CFAP299: variants seen among roughly 807,000 people sequenced by gnomAD.
The protein encoded by CFAP299 is cilia- and flagella-associated protein 299.
In CFAP299, 21 loss-of-function variants were observed where a neutral mutation model predicts 27.0. The ratio of observed to expected loss-of-function variants is 0.78; its 90% CI spans 0.55 to 1.12. The LOEUF is 1.12. Among genes scored for constraint, CFAP299 ranks in the 50% most tolerant of loss-of-function variants. CFAP299 has a pLI of 0.00. For missense variants in CFAP299, 310 were observed against 276.6 expected, an observed-to-expected ratio of 1.12 and a Z score of -0.86; for synonymous variants, 104 against 98.1, an observed-to-expected ratio of 1.06 and a Z score of -0.36.
intron 3 of CFAP299, among the ~76,000 whole-genome samples, chr4:80,636,912 A>G (rs548147172): frequency 1.3e-5 from 2 of 152,322 alleles, no homozygotes; most frequent in East Asian, 3.9e-4. Flanking sequence ...AGGTATAGGT[A>G]TATATTAGAA....
chr4:80,889,598 G>C (rs1734149287), intron 4 of CFAP299, among the ~76,000 whole-genome samples: 1 of 152,016 alleles, frequency 6.6e-6, no homozygotes, highest in Admixed American at 6.6e-5. Context: ...AATAGAGGAA[G>C]ACAGAATACT....
the CFAP299 span, among the ~76,000 whole-genome samples, chr4:80,323,626 A>C: frequency 6.6e-6 from 1 of 152,232 alleles, no homozygotes; most frequent in Non-Finnish European, 1.5e-5. Flanking sequence ...CATATGGAGA[A>C]ACAAATTAGT....
chr4:80,626,288 G>A lies in CFAP299; in HGVS notation c.333+43105G>A, dbSNP rs185308396. On this transcript the variant is annotated intron_variant, in intron 3 of 5. Transcript: ENST00000358105. ...GGAAATGCTCTTGAACAACTAATAG[G>A]TCAATGAAGAAATTGGAAAGAAAAT... Among the ~76,000 whole-genome samples, 778 of 151,930 alleles carry A rather than the reference G, an allele frequency of 5.1e-3. 8 individuals carry two copies. The highest frequency in any genetic ancestry group is 6.5e-3 in the Non-Finnish European group (438 of 67,792).
At chr4:80,724,934 C>CTCCT (rs199650438) in intron 3 of CFAP299, among the ~76,000 whole-genome samples, 1 of 103,902 alleles carries the variant, frequency 9.6e-6, no homozygotes, top group Non-Finnish European at 2.0e-5. Flanking sequence ...TTCTTTCTTT[C>CTCCT]TCCTTCCTTC....
chr4:80,364,779 T>G (rs904558976), intron 2 of CFAP299, among the ~76,000 whole-genome samples: 7 of 152,142 alleles, frequency 4.6e-5, no homozygotes, highest in Non-Finnish European at 8.8e-5. Context: ...ACAGGCTCAC[T>G]GTGTGTCATT....
intron 2 of CFAP299, among the ~76,000 whole-genome samples, chr4:80,577,652 C>T (rs1181219968): frequency 3.3e-5 from 5 of 152,048 alleles, no homozygotes; most frequent in Non-Finnish European, 5.9e-5. Context: ...CTGCACACCT[C>T]GGCCTCGCAA....
intron 2 of CFAP299, among the ~76,000 whole-genome samples, chr4:80,571,937 C>T (rs746025533): frequency 1.8e-4 from 28 of 152,032 alleles, no homozygotes; most frequent in Non-Finnish European, 3.2e-4. Context: ...CCCAAACTGC[C>T]TAATACAGAG....
At chr4:80,886,507 G>A (rs1277236652) in intron 4 of CFAP299, among the ~76,000 whole-genome samples, 1 of 152,152 alleles carries the variant, frequency 6.6e-6, no homozygotes, top group Non-Finnish European at 1.5e-5. Context: ...TTTTATCCAA[G>A]ACCACCAACA....
At chr4:80,891,845 A>AG (rs1300097447) in intron 4 of CFAP299, among the ~76,000 whole-genome samples, 8 of 145,160 alleles carry the variant, frequency 5.5e-5, no homozygotes, top group East Asian at 3.9e-4. Context: ...AAAAAAAAAA[A>AG]AAAAGAAATT....
chr4:80,890,439 C>T (rs573332413), intron 4 of CFAP299, among the ~76,000 whole-genome samples: 10 of 152,222 alleles, frequency 6.6e-5, no homozygotes, highest in African/African-American at 2.4e-4. Context: ...AACATCTATA[C>T]AATGAAAACC....
intron 4 of CFAP299, among the ~76,000 whole-genome samples, chr4:80,890,302 AT>A (rs1401960008): frequency 1.3e-5 from 2 of 152,202 alleles, no homozygotes; most frequent in Non-Finnish European, 2.9e-5. Flanking sequence ...AAATCAACAT[AT>A]AAAAATCAGG....
intron 2 of CFAP299, among the ~76,000 whole-genome samples, chr4:80,397,343 A>G (rs945710811): frequency 1.3e-5 from 2 of 152,028 alleles, no homozygotes; most frequent in Non-Finnish European, 2.9e-5. Context: ...TCCTGGATTC[A>G]TTGATTTTTT....
At chr4:80,561,824 C>T (rs1003206827) in intron 2 of CFAP299, among the ~76,000 whole-genome samples, 5 of 151,910 alleles carry the variant, frequency 3.3e-5, no homozygotes, top group Non-Finnish European at 7.4e-5. Context: ...TAGAAAATAG[C>T]CTCAAAAGGG....
intron 2 of CFAP299, among the ~76,000 whole-genome samples, chr4:80,446,862 T>G (rs975521077): frequency 6.6e-6 from 1 of 152,192 alleles, no homozygotes; most frequent in Non-Finnish European, 1.5e-5. Context: ...CATCAAAATG[T>G]GGATTTTATG....
intron 2 of CFAP299, among the ~76,000 whole-genome samples, chr4:80,490,546 ATC>A (rs1731065145): frequency 6.6e-6 from 1 of 152,180 alleles, no homozygotes; most frequent in South Asian, 2.1e-4. Flanking sequence ...CCACATTATA[ATC>A]TGTCAGTGAA....
At chr4:80,397,484 A>G (rs955399364) in intron 2 of CFAP299, among the ~76,000 whole-genome samples, 1 of 151,934 alleles carries the variant, frequency 6.6e-6, no homozygotes, top group Non-Finnish European at 1.5e-5. Flanking sequence ...AGGGTGTCAA[A>G]TTTAGATCTT....
At chr4:80,628,232 A>G (rs1739016898) in intron 3 of CFAP299, among the ~76,000 whole-genome samples, 1 of 152,114 alleles carries the variant, frequency 6.6e-6, no homozygotes, top group Non-Finnish European at 1.5e-5. Flanking sequence ...CACAATAGGA[A>G]AAGGACAGCC....
rs139505245 is a variant in CFAP299 at position 80,575,991 on chromosome 4, C to G, written c.243-7102C>G. Among the ~76,000 whole-genome samples, 1,081 of 151,530 alleles carry G rather than the reference C, an allele frequency of 7.1e-3. 6 individuals carry two copies. The highest frequency in any genetic ancestry group is 0.012 in the Non-Finnish European group (830 of 67,934). ...CATAGGTGGGAACTGAACAATGGAA[C>G]ACTTGGACACAGGAAGGGGAACATC... On this transcript the variant is annotated intron_variant, in intron 2 of 5. Transcript: ENST00000358105.
chr4:80,896,307 A>G (rs1023350997), intron 4 of CFAP299, among the ~76,000 whole-genome samples: 2 of 152,154 alleles, frequency 1.3e-5, no homozygotes, highest in African/African-American at 2.4e-5. Context: ...TTCAAAGTGG[A>G]TACAATTTAT....
Sources: allele counts gnomAD v4.1 joint callset (sites outside exome capture counted in the v4.1 genomes callset), GRCh38; gene constraint gnomAD v4.1.1; transcripts MANE v1.5; gene names NCBI Gene and HGNC (gene_info 2026-07-23, HGNC 2026-07-21).